BMPR1A: variants seen among roughly 807,000 people sequenced by gnomAD.
BMPR1A encodes the protein bone morphogenetic protein receptor type 1A, also known as bone morphogenetic protein receptor type-1A.
Under a neutral mutation model 66.0 loss-of-function variants are expected in BMPR1A, and 7 were observed. The observed-to-expected ratio is 0.11, with a 90% CI of 0.06 to 0.20. The LOEUF is 0.20. BMPR1A is among the 10% of genes least tolerant of loss of function. BMPR1A has a pLI of 1.00. For missense variants in BMPR1A, 408 were observed against 669.1 expected (o/e 0.61, Z 4.31); for synonymous variants, 200 against 229.7 (o/e 0.87, Z 1.17).
chr10:86,865,904 T>G (rs955712415), intron 2 of BMPR1A, among the ~76,000 whole-genome samples: 6 of 151,852 alleles, frequency 4.0e-5, no homozygotes, highest in Non-Finnish European at 8.8e-5. Context: ...CAAAGCTGGG[T>G]TTTTGAGGAG....
intron 5 of BMPR1A, among the ~76,000 whole-genome samples, chr10:86,893,793 A>C (rs1233680283): frequency 6.6e-6 from 1 of 151,970 alleles, no homozygotes; most frequent in Non-Finnish European, 1.5e-5. Context: ...GTCTCAAAAA[A>C]AAAAAAGAAA....
intron 1 of BMPR1A, among the ~76,000 whole-genome samples, chr10:86,758,716 T>C (rs1421123026): frequency 6.6e-6 from 1 of 152,224 alleles, no homozygotes; most frequent in African/African-American, 2.4e-5. Flanking sequence ...TGTAGTCTGC[T>C]TTTCCTGCCT....
chr10:86,884,447 T>C (rs1306123415), intron 3 of BMPR1A, among the ~76,000 whole-genome samples: 6 of 122,412 alleles, frequency 4.9e-5, no homozygotes, highest in South Asian at 3.0e-4. Flanking sequence ...GGAGTCTCAC[T>C]CTGTTGACCA....
At chr10:86,904,360 G>A (rs1311479351) in intron 7 of BMPR1A, among the ~76,000 whole-genome samples, 1 of 152,172 alleles carries the variant, frequency 6.6e-6, no homozygotes, top group South Asian at 2.1e-4. Context: ...AGGAAAAAAG[G>A]CAGAGTATCT....
rs146102087 is a variant in BMPR1A, at chr10:86,926,553, A to G, written c.*2834A>G. On this transcript the variant is annotated 3_prime_UTR_variant, in exon 13 of 13. Coordinates refer to ENST00000372037, the MANE Select transcript of BMPR1A (RefSeq NM_004329.3). ...AAACAAATAAATAACAAAAAACAAA[A>G]ATGTTGCATTAAACTTAGTTCTTGT... is the stretch of plus-strand genomic sequence containing the variant. 70 of 176,388 alleles carry G rather than the reference A, an allele frequency of 4.0e-4. No individual in the cohort carries two copies. Among genetic ancestry groups the G allele is most frequent in the African/African-American group, 1.5e-3 (65 of 42,302 alleles). 10.9% of individuals were successfully genotyped at this position (176,388 alleles called of 1,614,324 possible). A position where few individuals can be genotyped will look rare whatever the true frequency, so the allele number is the denominator to read the frequency against.
chr10:86,808,864 C>G (rs1322096863), intron 1 of BMPR1A, among the ~76,000 whole-genome samples: 2 of 152,188 alleles, frequency 1.3e-5, no homozygotes, highest in Admixed American at 1.3e-4. Context: ...AGGATGGCTA[C>G]CAAACCTGCC....
At chr10:86,810,771 A>T (rs1841958214) in intron 1 of BMPR1A, among the ~76,000 whole-genome samples, 1 of 151,994 alleles carries the variant, frequency 6.6e-6, no homozygotes, top group Non-Finnish European at 1.5e-5. Flanking sequence ...TTATTGTTGA[A>T]TTTCAATGGT....
chr10:86,758,736 TG>T lies in BMPR1A; in HGVS notation c.-268+1819del, dbSNP rs370172568. On this transcript the variant is annotated intron_variant, in intron 1 of 12. Transcript: ENST00000372037. Reference sequence around the variant, plus strand: ...TCTGCTTTTCCTGCCTTTGCCTGGTTGGTGGCTAGCCACTCATTTCTTAACC... The same window carrying T: ...TCTGCTTTTCCTGCCTTTGCCTGGTTGTGGCTAGCCACTCATTTCTTAACC... 5.0e-3 allele frequency among the ~76,000 whole-genome samples: 768 copies of T among 152,372 alleles called. 10 individuals are homozygous for T. The highest frequency in any genetic ancestry group is 0.018 in the African/African-American group (748 of 41,588).
At position 86,926,033 on chromosome 10, in the gene BMPR1A, T is replaced by G. The variant is rs1162365532; in HGVS notation, c.*2314T>G. On this transcript the variant is annotated 3_prime_UTR_variant, in exon 13 of 13. Coordinates refer to ENST00000372037, the MANE Select transcript of BMPR1A (RefSeq NM_004329.3). ...TAAAAATATAAAGACAGGCAAAGTT[T>G]ATTGGAAATGTTCAAATGGTGTGTG... is the stretch of plus-strand genomic sequence containing the variant. The G allele has an allele frequency of 5.8e-6, 1 of 172,976 alleles. No homozygotes were observed. The highest frequency in any genetic ancestry group is 1.3e-5 in the Non-Finnish European group (1 of 79,994). The allele number at this position is 172,976 out of a possible 1,614,324, so 10.7% of individuals were successfully genotyped here.
Position 86,923,605 on chromosome 10 carries a change from A to G in BMPR1A, c.1485A>G (p.Ala495=). Residue 495 remains alanine, a synonymous_variant, in exon 13 of 13, where the codon GCA becomes GCG. Transcript: ENST00000372037. ...TCTTTACTTTTCAGTGTCTACGAGC[A>G]GTTTTGAAGCTAATGTCAGAATGCT... ...NRWNSDECLR[A]VLKLMSECWA... 1 of 1,614,220 alleles carries G rather than the reference A, an allele frequency of 6.2e-7. No homozygotes were observed. The highest frequency in any genetic ancestry group is 8.5e-7 in the Non-Finnish European group (1 of 1,180,036).
chr10:86,899,930 AT>A, intron 6 of BMPR1A, 40 bp downstream of exon 6: 1 of 1,609,992 alleles, frequency 6.2e-7, no homozygotes, highest in Non-Finnish European at 8.5e-7. Flanking sequence ...CTTCTCAAAT[AT>A]CTTCTCTGGT....
intron 2 of BMPR1A, among the ~76,000 whole-genome samples, chr10:86,845,274 G>A (rs183481502): frequency 6.6e-5 from 10 of 152,362 alleles, no homozygotes; most frequent in Admixed American, 3.9e-4. Context: ...GGGTGATCCA[G>A]TTCCCCCTGC....
chr10:86,900,264 T>A (rs941186599), intron 7 of BMPR1A, 138 bp downstream of exon 7: 1 of 814,892 alleles, frequency 1.2e-6, no homozygotes, highest in Non-Finnish European at 2.0e-6. Flanking sequence ...ACTATAGTTC[T>A]CTTAAGGGAA....
At chr10:86,844,677 T>G (rs751902528) in intron 2 of BMPR1A, among the ~76,000 whole-genome samples, 14 of 152,240 alleles carry the variant, frequency 9.2e-5, no homozygotes, top group Non-Finnish European at 1.5e-4. Flanking sequence ...TAATTATAAT[T>G]ATACATGTGT....
rs369444838 is a variant in BMPR1A at position 86,782,064 on chromosome 10, C to T, written c.-268+25145C>T. Among the ~76,000 whole-genome samples the T allele has an allele frequency of 3.3e-5, 5 of 151,480 alleles. 1 individual carries two copies. The highest frequency in any genetic ancestry group is 4.8e-5 in the African/African-American group (2 of 41,296). ...TTTTGGTAGAGACGGGGTTTCACTACGTTGGTCAGCCTGGTCTTGAACTCC... is the reference window on the plus strand; with the variant it reads ...TTTTGGTAGAGACGGGGTTTCACTATGTTGGTCAGCCTGGTCTTGAACTCC... On this transcript the variant is annotated intron_variant, in intron 1 of 12. Coordinates refer to ENST00000372037, the MANE Select transcript of BMPR1A (RefSeq NM_004329.3).
intron 2 of BMPR1A, among the ~76,000 whole-genome samples, chr10:86,845,485 C>G (rs17107107): frequency 6.6e-6 from 1 of 152,088 alleles, no homozygotes; most frequent in African/African-American, 2.4e-5. Flanking sequence ...GCAAAGTCTC[C>G]GAGGAACAAA....
intron 1 of BMPR1A, among the ~76,000 whole-genome samples, chr10:86,830,879 TCATTCCC>T (rs1376363864): frequency 2.6e-5 from 4 of 152,176 alleles, no homozygotes; most frequent in Admixed American, 6.5e-5. Flanking sequence ...ATTTTTGGTG[TCATTCCC>T]CATTCCCCAT....
intron 2 of BMPR1A, among the ~76,000 whole-genome samples, chr10:86,869,156 T>C (rs761428346): frequency 3.3e-5 from 5 of 152,194 alleles, no homozygotes; most frequent in Admixed American, 6.5e-5. Flanking sequence ...TACAATTACA[T>C]AATTTTAAGA....
chr10:86,894,788 A>G (rs1395191756), intron 5 of BMPR1A, among the ~76,000 whole-genome samples: 1 of 152,208 alleles, frequency 6.6e-6, no homozygotes, highest in African/African-American at 2.4e-5. Flanking sequence ...GTTAGCTTTG[A>G]CCATATTGAT....
Sources: allele counts gnomAD v4.1 joint callset (sites outside exome capture counted in the v4.1 genomes callset), GRCh38; gene constraint gnomAD v4.1.1; transcripts MANE v1.5; gene names NCBI Gene and HGNC (gene_info 2026-07-23, HGNC 2026-07-21).